The following ANO2 variants were observed in gnomAD, a reference collection of about 807,000 sequenced individuals.
ANO2 encodes the protein anoctamin-2.
A neutral mutation model predicts 124.2 loss-of-function variants in ANO2; 101 were observed. The ratio of observed to expected loss-of-function variants is 0.81; its 90% CI spans 0.69 to 0.96. The LOEUF is 0.96. ANO2 is among the 40% of genes least tolerant of loss of function. The probability of loss-of-function intolerance (pLI) is 0.00; values close to 1 mark genes in which losing one functional copy is unlikely to be tolerated. For missense variants in ANO2, 1,293 were observed against 1,274.5 expected (o/e 1.01, Z -0.22); for synonymous variants, 486 against 482.5 (o/e 1.01, Z -0.09).
rs551536772 is a variant in ANO2 at position 5,593,889 on chromosome 12, C to T, written c.2233+5595G>A. Among the ~76,000 whole-genome samples the T allele has an allele frequency of 1.1e-3, 162 of 152,294 alleles. 4 individuals carry two copies. The highest frequency in any genetic ancestry group is 6.0e-3 in the South Asian group (29 of 4,826). On this transcript the variant is annotated intron_variant, in intron 20 of 24. Coordinates refer to ENST00000682330, the MANE Select transcript of ANO2 (RefSeq NM_001364791.2). ...CAGTACCACCCCTAACCACACTTAG[C>T]TGCTTGATGAACTTTAATGAGGGTT...
chr12:5,751,018 T>C (rs1951420965), intron 10 of ANO2, 48 bp from the exon 11 acceptor site: 1 of 1,509,626 alleles, frequency 6.6e-7, no homozygotes, highest in African/African-American at 1.4e-5. Context: ...GAACATCATA[T>C]ACTTTCCTTA....
chr12:5,618,404 C>T (rs2136914738), intron 16 of ANO2, among the ~76,000 whole-genome samples: 1 of 152,232 alleles, frequency 6.6e-6, no homozygotes, highest in East Asian at 1.9e-4. Context: ...AGGCATCATA[C>T]GTAGGTGTGC....
chr12:5,883,481 G>T (rs1350444666), intron 3 of ANO2, among the ~76,000 whole-genome samples: 4 of 150,760 alleles, frequency 2.7e-5, no homozygotes, highest in African/African-American at 4.9e-5. Flanking sequence ...CTGTGCATGT[G>T]TGCGTGTTTG....
At chr12:5,655,300 A>G (rs369879169) in intron 14 of ANO2, among the ~76,000 whole-genome samples, 1 of 152,088 alleles carries the variant, frequency 6.6e-6, no homozygotes, top group Non-Finnish European at 1.5e-5. Flanking sequence ...TTTAAATCTC[A>G]GCCTCTCCTC....
intron 14 of ANO2, among the ~76,000 whole-genome samples, chr12:5,686,285 T>A (rs387896): frequency 0.88 from 134,339 of 152,184 alleles, 59,391 homozygotes; most frequent in East Asian, 0.95. Context: ...CATCTTTCTT[T>A]AACCCCTATT....
At chr12:5,666,919 C>G (rs1037184166) in intron 14 of ANO2, among the ~76,000 whole-genome samples, 3 of 152,152 alleles carry the variant, frequency 2.0e-5, no homozygotes, top group Non-Finnish European at 4.4e-5. Context: ...AGGTCTACCC[C>G]CAGAAGGGCT....
At chr12:5,842,199 T>G (rs1458577471) in intron 4 of ANO2, among the ~76,000 whole-genome samples, 1 of 152,128 alleles carries the variant, frequency 6.6e-6, no homozygotes, top group Admixed American at 6.5e-5. Context: ...AATTTATAAC[T>G]AGCCATACAA....
At chr12:5,856,960 G>T (rs1299105155) in intron 3 of ANO2, among the ~76,000 whole-genome samples, 2 of 152,196 alleles carry the variant, frequency 1.3e-5, no homozygotes, top group Non-Finnish European at 2.9e-5. Context: ...ATGCAGTTTT[G>T]TGGATCTAGT....
chr12:5,690,241 C>T lies in ANO2; in HGVS notation c.1545+42279G>A, dbSNP rs74830608. On this transcript the variant is annotated intron_variant, in intron 14 of 24. Coordinates refer to ENST00000682330, the MANE Select transcript of ANO2 (RefSeq NM_001364791.2). Reference sequence around the variant, plus strand: ...AGTTCTCAAAAGAAAACTCAGAATCCAGTCCCAAAGTCAGCACCAAAACAT... The same window carrying T: ...AGTTCTCAAAAGAAAACTCAGAATCTAGTCCCAAAGTCAGCACCAAAACAT... 4.6e-5 allele frequency among the ~76,000 whole-genome samples: 7 copies of T among 152,286 alleles called. No individual in the cohort carries two copies. The East Asian group carries it at 1.4e-3, about 29-fold the overall frequency.
chr12:5,819,250 C>T (rs907979220), intron 7 of ANO2, among the ~76,000 whole-genome samples: 19 of 152,128 alleles, frequency 1.2e-4, no homozygotes, highest in Admixed American at 6.5e-5. Context: ...CCCCAGTGGG[C>T]CCTTAGATGT....
chr12:5,887,668 GGAGA>G (rs1289968237), intron 3 of ANO2, among the ~76,000 whole-genome samples: 2 of 152,186 alleles, frequency 1.3e-5, no homozygotes, highest in Non-Finnish European at 2.9e-5. Context: ...AAAGAAGGAA[GGAGA>G]GAGAGAAGGA....
At chr12:5,803,913 G>A (rs1953117969) in intron 9 of ANO2, among the ~76,000 whole-genome samples, 1 of 152,164 alleles carries the variant, frequency 6.6e-6, no homozygotes, top group Admixed American at 6.5e-5. Flanking sequence ...AATGAGCCTG[G>A]GCCTTGGGGA....
intron 3 of ANO2, among the ~76,000 whole-genome samples, chr12:5,918,732 C>T (rs560715755): frequency 9.8e-5 from 15 of 152,306 alleles, no homozygotes; most frequent in African/African-American, 3.1e-4. Flanking sequence ...AGCCACCACA[C>T]CCAGCCAACT....
chr12:5,567,569 T>A (rs1482445488), intron 23 of ANO2, among the ~76,000 whole-genome samples: 1 of 152,226 alleles, frequency 6.6e-6, no homozygotes, highest in African/African-American at 2.4e-5. Context: ...ACTGCTACAA[T>A]GAAAGTCCAT....
At chr12:5,726,006 C>T (rs1030001340) in intron 14 of ANO2, among the ~76,000 whole-genome samples, 3 of 152,034 alleles carry the variant, frequency 2.0e-5, no homozygotes, top group Non-Finnish European at 4.4e-5. Context: ...AGCACCTTGC[C>T]ATCTGCACTC....
chr12:5,575,979 G>A lies in ANO2; in HGVS notation c.2476C>T (p.Arg826Cys), dbSNP rs1001453035. The A allele has an allele frequency of 9.3e-6, 15 of 1,611,584 alleles. No homozygotes were observed. Among genetic ancestry groups the A allele is most frequent in the South Asian group, 3.3e-5 (3 of 90,444 alleles). ...VIAITSDFIP[R>C]LVYQYSYSHN... Reference sequence around the variant, plus strand: ...CTGTAGGAGTACTGGTACACCAGGCGGGGGATAAAGTCGGAGGTGATCGCA... The same window carrying A: ...CTGTAGGAGTACTGGTACACCAGGCAGGGGATAAAGTCGGAGGTGATCGCA... Residue 826 changes from arginine to cysteine, a missense_variant, in exon 23 of 25, where the codon CGC becomes TGC. Transcript: ENST00000682330.
At chr12:5,893,836 C>T (rs946040834) in intron 3 of ANO2, among the ~76,000 whole-genome samples, 7 of 152,168 alleles carry the variant, frequency 4.6e-5, no homozygotes, top group Middle Eastern at 3.2e-3. Context: ...TTTTTTATGG[C>T]TGCATAGTAT....
chr12:5,578,572 C>G (rs1431706597), intron 20 of ANO2, 54 bp from the exon 21 acceptor site: 32 of 1,562,282 alleles, frequency 2.0e-5, no homozygotes, highest in Non-Finnish European at 2.6e-5. Flanking sequence ...GACTCAGGTC[C>G]CTTCTGGCTT....
intron 12 of ANO2, chr12:5,740,819 C>G (rs1296146183): frequency 6.6e-6 from 1 of 152,220 alleles, no homozygotes; most frequent in Non-Finnish European, 1.5e-5. Flanking sequence ...AACTATCTAT[C>G]TGAATCGCTC....
Sources: gnomAD v4.1 joint callset for allele counts (sites outside exome capture counted in the v4.1 genomes callset) on GRCh38, gnomAD v4.1.1 for gene constraint, MANE v1.5 for transcripts, NCBI Gene and HGNC (gene_info 2026-07-23, HGNC 2026-07-21) for gene names.